MBP: variants seen among roughly 807,000 people sequenced by gnomAD.
MBP encodes myelin basic protein, also known as Golli-MBP.
MBP carries 16 observed loss-of-function variants against 35.8 expected under a neutral mutation model. The ratio of observed to expected loss-of-function variants is 0.45; its 90% CI spans 0.30 to 0.68. MBP has a LOEUF of 0.68. MBP is among the 30% of genes least tolerant of loss of function. The pLI, the probability that MBP is intolerant of heterozygous loss-of-function variation, is 0.08. For missense variants in MBP, 380 were observed against 404.7 expected, an observed-to-expected ratio of 0.94 and a Z score of 0.52; for synonymous variants, 143 against 159.6, an observed-to-expected ratio of 0.90 and a Z score of 0.78.
chr18:77,019,072 CCATCCATCCATT>C (rs2123489504), intron 3 of MBP, among the ~76,000 whole-genome samples: 1 of 126,258 alleles, frequency 7.9e-6, no homozygotes, highest in African/African-American at 2.6e-5. Context: ...ATCCATCCAT[CCATCCATCCATT>C]ATTTATGAGT....
At chr18:77,013,136 C>T (rs982889789) in intron 4 of MBP, 42 of 985,322 alleles carry the variant, frequency 4.3e-5, no homozygotes, top group Non-Finnish European at 5.1e-5. Flanking sequence ...TATAAGAAAT[C>T]TCAAAAGGTA....
chr18:77,014,615 C>T, intron 4 of MBP: 3 of 985,392 alleles, frequency 3.0e-6, no homozygotes, highest in Non-Finnish European at 3.6e-6. Flanking sequence ...GGCAGCCCAC[C>T]CAATGAATAC....
At chr18:77,130,416 T>C (rs1977202942) in intron 1 of MBP, among the ~76,000 whole-genome samples, 1 of 129,952 alleles carries the variant, frequency 7.7e-6, no homozygotes, top group Admixed American at 7.2e-5. Context: ...AAGATATGAA[T>C]AGGATGGTGA....
Position 76,980,298 on chromosome 18 carries a change from G to T in MBP, c.*129C>A. Reference sequence around the variant, plus strand: ...GGCTGCCGTGGCCTGACCCTACTACGTGCACAACTCCGCAGGCATTAGGGG... The same window carrying T: ...GGCTGCCGTGGCCTGACCCTACTACTTGCACAACTCCGCAGGCATTAGGGG... On this transcript the variant is annotated 3_prime_UTR_variant, in exon 9 of 9. Coordinates refer to ENST00000355994, the MANE Select transcript of MBP (RefSeq NM_001025101.2). 1.1e-6 allele frequency: 1 copy of T among 879,428 alleles called. No homozygotes were observed. The highest frequency in any genetic ancestry group is 2.4e-5 in the East Asian group (1 of 41,616). 54.5% of individuals were successfully genotyped at this position (879,428 alleles called of 1,614,324 possible).
rs183294151 is a variant in MBP at position 77,131,366 on chromosome 18, C to T, written c.-26+1214G>A. ...AATGTCCAAAACACACACTGGAGTT[C>T]CCTGACGTTTCCTTCCTCTGAAAAA... On this transcript the variant is annotated intron_variant, in intron 1 of 8. Transcript: ENST00000355994. The surrounding 1 kb of genome is among the most constrained non-coding windows in gnomAD (Gnocchi z 5.5). 3.9e-4 allele frequency among the ~76,000 whole-genome samples: 60 copies of T among 152,246 alleles called. No homozygotes were observed. Among genetic ancestry groups the T allele is most frequent in the African/African-American group, 1.4e-3 (57 of 41,544 alleles).
intron 2 of MBP, among the ~76,000 whole-genome samples, chr18:77,091,885 CACAGTT>C: frequency 6.6e-6 from 1 of 152,234 alleles, no homozygotes; most frequent in South Asian, 2.1e-4. Flanking sequence ...ACCACATATG[CACAGTT>C]ACAAACACAG....
intron 1 of MBP, among the ~76,000 whole-genome samples, chr18:77,132,004 G>A (rs1375791835): frequency 2.6e-5 from 4 of 152,170 alleles, no homozygotes; most frequent in Non-Finnish European, 1.5e-5. Context: ...GGGGGCAGGG[G>A]CAGGAGCGCG....
rs1038928284 is a variant in MBP, at chr18:77,082,008, C to T, written c.52-15623G>A. Among the ~76,000 whole-genome samples, 37 of 149,680 alleles carry T rather than the reference C, an allele frequency of 2.5e-4. 1 individual carries two copies. Among genetic ancestry groups the T allele is most frequent in the South Asian group, 4.3e-4 (2 of 4,598 alleles). On this transcript the variant is annotated intron_variant, in intron 2 of 8. Transcript: ENST00000355994. Reference sequence around the variant, plus strand: ...CTGGGACTACAGGTGCCCGCCACAACGCCTGGCTAATTTTTTTGTATTTTT... The same window carrying T: ...CTGGGACTACAGGTGCCCGCCACAATGCCTGGCTAATTTTTTTGTATTTTT...
chr18:76,992,163 T>C (rs1464790260), intron 4 of MBP, among the ~76,000 whole-genome samples: 1 of 152,214 alleles, frequency 6.6e-6, no homozygotes, highest in Non-Finnish European at 1.5e-5. Context: ...GTTCCCAACC[T>C]TTTTGGCACC....
In MBP at chr18:76,988,886, C is replaced by A. The variant is rs751411918; in HGVS notation, c.708G>T (p.Ser236=). 3 of 1,613,698 alleles carry A rather than the reference C, an allele frequency of 1.9e-6. No individual in the cohort carries two copies. Among genetic ancestry groups the A allele is most frequent in the East Asian group, 4.5e-5 (2 of 44,846 alleles). The change falls in exon 6 of 9, where the codon TCG becomes TCT. Residue 236 remains serine (S), a synonymous_variant. Coordinates refer to ENST00000355994, the MANE Select transcript of MBP (RefSeq NM_001025101.2). The surrounding 1 kb of genome is among the most constrained non-coding windows in gnomAD (Gnocchi z 5.2). ...CATTCCAAGGTCTTACCTTTCCCTG[C>A]GACGGGGGTGGTGTGCGAGGCGTCA... is the stretch of plus-strand genomic sequence containing the variant. ...NIVTPRTPPP[S]QGKGRGLSLS... is the part of the protein sequence containing the mutation.
chr18:77,032,660 G>A (rs901125392), intron 3 of MBP, among the ~76,000 whole-genome samples: 9 of 151,954 alleles, frequency 5.9e-5, no homozygotes, highest in African/African-American at 1.2e-4. Flanking sequence ...TCCCTAACAC[G>A]GTTGGCGTAG....
intron 1 of MBP, among the ~76,000 whole-genome samples, chr18:77,105,997 C>T (rs765331969): frequency 3.0e-4 from 46 of 152,228 alleles, no homozygotes; most frequent in Non-Finnish European, 5.3e-4. Context: ...AGCCTTCCTG[C>T]GGAACCTGCC....
intron 4 of MBP, chr18:77,009,797 A>T (rs1257144992): frequency 2.1e-6 from 3 of 1,462,958 alleles, no homozygotes; most frequent in Non-Finnish European, 2.8e-6. Context: ...AGAGCTCAGG[A>T]AACGGCAGGT....
At chr18:77,106,247 C>T (rs368094650) in intron 1 of MBP, among the ~76,000 whole-genome samples, 1 of 152,150 alleles carries the variant, frequency 6.6e-6, no homozygotes, top group Non-Finnish European at 1.5e-5. Flanking sequence ...TAGATACACC[C>T]GAACACAATG....
intron 1 of MBP, among the ~76,000 whole-genome samples, chr18:77,129,003 G>A (rs954810247): frequency 1.3e-5 from 2 of 151,904 alleles, no homozygotes; most frequent in Non-Finnish European, 2.9e-5. Context: ...AAATCTTTTT[G>A]CCATCTTAGT....
intron 2 of MBP, among the ~76,000 whole-genome samples, chr18:77,090,339 C>T (rs997856776): frequency 2.6e-5 from 4 of 152,218 alleles, no homozygotes; most frequent in African/African-American, 4.8e-5. Flanking sequence ...CAGCCGACAA[C>T]GTGCTATTCA....
At chr18:77,052,865 C>A (rs534435680) in intron 3 of MBP, among the ~76,000 whole-genome samples, 13 of 152,198 alleles carry the variant, frequency 8.5e-5, no homozygotes, top group African/African-American at 2.6e-4. Context: ...GCCATGTATA[C>A]CCCCCGGGTG....
intron 2 of MBP, among the ~76,000 whole-genome samples, chr18:77,091,055 A>T (rs1053568667): frequency 1.3e-5 from 2 of 152,222 alleles, no homozygotes; most frequent in African/African-American, 4.8e-5. Flanking sequence ...TTCCTAAAAG[A>T]GGTAAATTCC....
intron 7 of MBP, chr18:76,986,622 C>T (rs540364585): frequency 5.0e-5 from 49 of 985,566 alleles, no homozygotes; most frequent in Admixed American, 1.8e-4. Context: ...GGTCTAAGCA[C>T]TGCACACGAG....
Sources: gnomAD v4.1 joint callset for allele counts (sites outside exome capture counted in the v4.1 genomes callset) on GRCh38, gnomAD v4.1.1 for gene constraint, Gnocchi (gnomAD v3.1) non-coding constraint, MANE v1.5 for transcripts, NCBI Gene and HGNC (gene_info 2026-07-23, HGNC 2026-07-21) for gene names.